Variants in DDX1 observed in about 807,000 individuals in gnomAD.
DDX1 encodes DEAD-box helicase 1.
In DDX1, 28 loss-of-function variants were observed where a neutral mutation model predicts 108.7. The observed-to-expected ratio is 0.26, with a 90% CI of 0.19 to 0.35. The LOEUF (loss-of-function observed/expected upper bound fraction) is 0.35. Among genes scored for constraint, DDX1 ranks in the 10% least tolerant of loss-of-function variants. DDX1 has a pLI of 1.00. For missense variants in DDX1, 710 were observed against 884.5 expected (o/e 0.80, Z 2.50); for synonymous variants, 295 against 288.9 (o/e 1.02, Z -0.21).
rs2302933 is a variant in DDX1 at position 15,603,220 on chromosome 2, T to C, written c.420T>C (p.His140=). The C allele has an allele frequency of 0.013, 21,310 of 1,613,510 alleles. 1,253 individuals carry two copies. The East Asian group carries it at 0.22, about 16-fold the overall frequency. ...KGKHYYEVSC[H]DQGLCRVGWS... is the part of the protein sequence containing the mutation. Reference sequence around the variant, plus strand: ...AACACTACTATGAAGTATCCTGTCATGACCAAGGGTTATGCAGGGTCGGGT... The same window carrying C: ...AACACTACTATGAAGTATCCTGTCACGACCAAGGGTTATGCAGGGTCGGGT... Residue 140 remains histidine (H), a synonymous_variant, in exon 8 of 26, where the codon CAT becomes CAC. Coordinates refer to ENST00000233084, the MANE Select transcript of DDX1 (RefSeq NM_004939.3).
chr2:15,598,162 A>G (rs1391233295), intron 5 of DDX1, among the ~76,000 whole-genome samples: 1 of 152,194 alleles, frequency 6.6e-6, no homozygotes, highest in East Asian at 1.9e-4. Flanking sequence ...TTCATTATAC[A>G]AAACAGGATT....
intron 1 of DDX1, among the ~76,000 whole-genome samples, chr2:15,592,308 T>C (rs1665427705): frequency 6.6e-6 from 1 of 152,168 alleles, no homozygotes; most frequent in Non-Finnish European, 1.5e-5. Context: ...GCAGTGACCC[T>C]TTGGGAACCC....
At chr2:15,611,443 A>C (rs1573043263) in intron 13 of DDX1, among the ~76,000 whole-genome samples, 4 of 141,216 alleles carry the variant, frequency 2.8e-5, no homozygotes, top group African/African-American at 1.1e-4. Flanking sequence ...GGGGCTCCTC[A>C]CCTCCCAGTA....
intron 1 of DDX1, among the ~76,000 whole-genome samples, chr2:15,594,840 T>A (rs752596941): frequency 9.9e-5 from 15 of 152,210 alleles, no homozygotes; most frequent in Non-Finnish European, 2.1e-4. Flanking sequence ...ATGCTCCAGT[T>A]GCATTACATG....
chr2:15,613,050 G>C (rs1283558567), intron 13 of DDX1, among the ~76,000 whole-genome samples, 174 bp from the exon 14 acceptor site: 1 of 152,022 alleles, frequency 6.6e-6, no homozygotes, highest in African/African-American at 2.4e-5. Flanking sequence ...GGGGGAGGGA[G>C]AGGGCAGCGT....
intron 14 of DDX1, among the ~76,000 whole-genome samples, chr2:15,616,101 C>T (rs780569842): frequency 4.6e-5 from 7 of 151,420 alleles, no homozygotes; most frequent in Non-Finnish European, 8.8e-5. Context: ...TTAGTAGAGA[C>T]GGGGTTTCAC....
At chr2:15,614,022 T>C (rs796490068) in intron 14 of DDX1, among the ~76,000 whole-genome samples, 26 of 152,148 alleles carry the variant, frequency 1.7e-4, no homozygotes, top group African/African-American at 5.8e-4. Flanking sequence ...ATTTTCACCA[T>C]GTTGGCCAGG....
chr2:15,620,667 G>T (rs925754498), intron 17 of DDX1, among the ~76,000 whole-genome samples: 2 of 152,074 alleles, frequency 1.3e-5, no homozygotes, highest in Non-Finnish European at 2.9e-5. Flanking sequence ...CAGATACAAT[G>T]ATTTCCATTT....
chr2:15,613,140 TA>T, intron 13 of DDX1, 83 bp from the exon 14 acceptor site: 1 of 926,432 alleles, frequency 1.1e-6, no homozygotes, highest in Non-Finnish European at 1.6e-6. Context: ...AATTTCCACC[TA>T]AAATAAATGG....
intron 14 of DDX1, 84 bp downstream of exon 14, chr2:15,613,368 T>G: frequency 1.1e-6 from 1 of 899,542 alleles, no homozygotes; most frequent in Admixed American, 2.6e-5. Flanking sequence ...CAAGAAAATT[T>G]AAGTGAGGCT....
At chr2:15,629,232 C>T (rs1177429371) in intron 23 of DDX1, among the ~76,000 whole-genome samples, 2 of 152,058 alleles carry the variant, frequency 1.3e-5, no homozygotes, top group African/African-American at 4.8e-5. Flanking sequence ...GTACATTTTG[C>T]ATTATTTGCT....
At chr2:15,607,465 T>TACA (rs2148741084) in intron 13 of DDX1, 152 bp downstream of exon 13, 1 of 586,962 alleles carries the variant, frequency 1.7e-6, no homozygotes, top group East Asian at 3.1e-5. Flanking sequence ...AATTTCCATA[T>TACA]ACAACTCCTG....
At chr2:15,603,967 G>T (rs916469266) in intron 9 of DDX1, 77 bp downstream of exon 9, 2 of 912,128 alleles carry the variant, frequency 2.2e-6, no homozygotes, top group Non-Finnish European at 1.7e-6. Flanking sequence ...ACAGAATGAG[G>T]GTATACAAAT....
chr2:15,627,316 C>T (rs1666117054), intron 20 of DDX1, 171 bp downstream of exon 20: 1 of 472,864 alleles, frequency 2.1e-6, no homozygotes, highest in Non-Finnish European at 3.8e-6. Context: ...TGTTGACACT[C>T]AAATGGTAAA....
chr2:15,622,994 T>C lies in DDX1; in HGVS notation c.1448-442T>C, dbSNP rs543960739. On this transcript the variant is annotated intron_variant, in intron 18 of 25. Transcript: ENST00000233084. ...AAGTATGAACTTTCTGGTATTTAGATTGATTTAGAAAGTACATTAATTATT... is the reference window on the plus strand; with the variant it reads ...AAGTATGAACTTTCTGGTATTTAGACTGATTTAGAAAGTACATTAATTATT... Among the ~76,000 whole-genome samples the C allele has an allele frequency of 3.3e-5, 5 of 152,306 alleles. No individual in the cohort carries two copies. The South Asian group carries it at 8.3e-4, about 25-fold the overall frequency.
chr2:15,617,445 C>T (rs910859264), intron 15 of DDX1, 103 bp downstream of exon 15: 5 of 493,122 alleles, frequency 1.0e-5, no homozygotes, highest in Admixed American at 7.6e-5. Flanking sequence ...GATCCTACTA[C>T]CTAGAGATAA....
rs1444398431 is a variant in DDX1 at position 15,597,837 on chromosome 2, A to AT, written c.259+366_259+367insT. 3.9e-5 allele frequency among the ~76,000 whole-genome samples: 6 copies of AT among 152,296 alleles called. No individual in the cohort carries two copies. In the East Asian group the frequency reaches 1.2e-3, roughly 29 times the overall value. On this transcript the variant is annotated intron_variant, in intron 5 of 25. Transcript: ENST00000233084. ...TTTACAAATAATTTATGGAGTAAAA[A>AT]CCCATGCTGGTGGGAAGTATTGCCT...
rs3835049 is a variant in DDX1 at position 15,628,722 on chromosome 2, AT to A, written c.1832+20del. On this transcript the variant is annotated intron_variant, in intron 22 of 25. Transcript: ENST00000233084. The stretch of plus-strand genomic sequence containing the variant: ...GGAAGAGCTGAAAGGTACTTCTGCA[AT>A]TTTTTTTCCCCCATTTTTAAGCTTG... 287,175 of 1,611,574 alleles carry A rather than the reference AT, an allele frequency of 0.18. 28,897 individuals carry two copies. The highest frequency in any genetic ancestry group is 0.42 in the African/African-American group (31,132 of 74,842).
chr2:15,620,080 A>C (rs1051530281), intron 16 of DDX1, 128 bp from the exon 17 acceptor site: 4 of 802,196 alleles, frequency 5.0e-6, no homozygotes, highest in Non-Finnish European at 3.9e-6. Flanking sequence ...TTGTCGCTAC[A>C]TAGAGTAAGG....
Sources: gnomAD v4.1 joint callset for allele counts (sites outside exome capture counted in the v4.1 genomes callset) on GRCh38, gnomAD v4.1.1 for gene constraint, MANE v1.5 for transcripts, NCBI Gene and HGNC (gene_info 2026-07-23, HGNC 2026-07-21) for gene names.